SPOCD1: variants seen among roughly 807,000 people sequenced by gnomAD.
SPOCD1 encodes SPOC domain-containing protein 1.
A neutral mutation model predicts 92.2 loss-of-function variants in SPOCD1; 64 were observed. That is an observed-to-expected ratio of 0.69 (90% CI 0.57 to 0.86). The LOEUF is 0.86. Among genes scored for constraint, SPOCD1 ranks in the 40% least tolerant of loss-of-function variants. The probability of loss-of-function intolerance (pLI) is 0.00; values close to 1 mark genes in which losing one functional copy is unlikely to be tolerated. For synonymous variants in SPOCD1, 578 were observed against 619.3 expected (o/e 0.93, Z 0.99); for missense variants, 1,360 against 1,543.1 (o/e 0.88, Z 1.99).
intron 9 of SPOCD1, 150 bp from the exon 10 acceptor site, chr1:31,796,865 G>T: frequency 9.3e-7 from 1 of 1,070,364 alleles, no homozygotes; most frequent in Non-Finnish European, 1.3e-6. Context: ...CCTCTGGGAA[G>T]CCCTCCACCC....
chr1:31,799,401 C>T lies in SPOCD1; in HGVS notation c.1868G>A (p.Arg623His), dbSNP rs201291524. 34 of 1,607,142 alleles carry T rather than the reference C, an allele frequency of 2.1e-5. No homozygotes were observed. Among genetic ancestry groups the T allele is most frequent in the Non-Finnish European group, 1.8e-5 (21 of 1,177,134 alleles). ...VRSMQEVLWT[R>H]LRELPDPVLS... is the part of the protein sequence containing the mutation. Reference sequence around the variant, plus strand: ...AGGGGAGTGGGGAGCAAGGCCTCACCGAGTCCATAGTACCTCCTGCATGGA... The same window carrying T: ...AGGGGAGTGGGGAGCAAGGCCTCACTGAGTCCATAGTACCTCCTGCATGGA... Residue 623 changes from arginine to histidine, a missense_variant and splice_region_variant, in exon 7 of 16, where the codon CGC becomes CAC. Coordinates refer to ENST00000360482, the MANE Select transcript of SPOCD1 (RefSeq NM_144569.7).
chr1:31,792,174 G>A (rs769179156), intron 15 of SPOCD1, 41 bp downstream of exon 15: 2 of 1,561,130 alleles, frequency 1.3e-6, no homozygotes, highest in East Asian at 4.7e-5. Flanking sequence ...TGGTCACCAA[G>A]TGAGCAGAGG....
intron 15 of SPOCD1, 190 bp downstream of exon 15, chr1:31,792,025 A>G: frequency 1.6e-6 from 1 of 641,238 alleles, no homozygotes; most frequent in Non-Finnish European, 2.7e-6. Context: ...AGCTTTTAGA[A>G]CAATGGCTGG....
At chr1:31,809,090 G>T (rs757620843) in intron 2 of SPOCD1, among the ~76,000 whole-genome samples, 1 of 152,188 alleles carries the variant, frequency 6.6e-6, no homozygotes, top group African/African-American at 2.4e-5. Context: ...TTGGGAGGCT[G>T]AGGCAGGAGA....
At position 31,798,792 on chromosome 1, in the gene SPOCD1, G is replaced by A. The variant is rs76392873; in HGVS notation, c.1869-191C>T. ...GGAAATAGGATCATTCTCCTTTTAT[G>A]GATGGGGTTACTGGGGCTCAGGGAA... On this transcript the variant is annotated intron_variant, in intron 7 of 15. Transcript: ENST00000360482. This position sits in a 1 kb window ranked among gnomAD's most constrained non-coding sequence, Gnocchi z 4.1. 9.7e-3 allele frequency: 6,102 copies of A among 629,300 alleles called. 126 individuals are homozygous for A. The highest frequency in any genetic ancestry group is 0.064 in the African/African-American group (3,458 of 54,414). 39.0% of individuals were successfully genotyped at this position (629,300 alleles called of 1,614,324 possible).
chr1:31,798,414 A>T lies in SPOCD1; in HGVS notation c.2028+28T>A. ...AGGGGCTCTGAGATTCAGAGAGGGG[A>T]CGCAGCCCAGCCCAAAGCCCTGCTC... On this transcript the variant is annotated intron_variant, in intron 8 of 15. Transcript: ENST00000360482. The surrounding 1 kb of genome is among the most constrained non-coding windows in gnomAD (Gnocchi z 4.1). 2 of 1,593,520 alleles carry T rather than the reference A, an allele frequency of 1.3e-6. No individual in the cohort carries two copies. The highest frequency in any genetic ancestry group is 1.7e-6 in the Non-Finnish European group (2 of 1,168,370).
intron 9 of SPOCD1, among the ~76,000 whole-genome samples, chr1:31,797,382 G>A (rs959644765): frequency 3.3e-5 from 5 of 152,244 alleles, no homozygotes; most frequent in African/African-American, 1.2e-4. Context: ...GGAGGCCCAC[G>A]CTTGGTTTAG....
In SPOCD1 at chr1:31,805,239, C is replaced by T. The variant is rs957216806; in HGVS notation, c.1384-3534G>A. The stretch of plus-strand genomic sequence containing the variant: ...GACCCTGTGATCCACTGGCCCCGGC[C>T]TCCCAAAGTGCTGGGATCACAGGTG... On this transcript the variant is annotated intron_variant, in intron 2 of 15. Transcript: ENST00000360482. 6.6e-5 allele frequency among the ~76,000 whole-genome samples: 10 copies of T among 151,920 alleles called. No individual in the cohort carries two copies. In the South Asian group the frequency reaches 1.7e-3, roughly 25 times the overall value.
chr1:31,794,008 CG>C, intron 11 of SPOCD1, 111 bp from the exon 12 acceptor site: 2 of 1,499,900 alleles, frequency 1.3e-6, no homozygotes, highest in Non-Finnish European at 1.8e-6. Context: ...ACCTGGGGCA[CG>C]GGCACCCCTG....
chr1:31,792,638 G>T, intron 14 of SPOCD1, 40 bp downstream of exon 14: 1 of 1,489,280 alleles, frequency 6.7e-7, no homozygotes, highest in Non-Finnish European at 9.1e-7. Flanking sequence ...TGGGAGTAAG[G>T]TACTAGGAAA....
chr1:31,795,547 T>A (rs2149099469), intron 10 of SPOCD1: 1 of 148,996 alleles, frequency 6.7e-6, no homozygotes, highest in South Asian at 2.3e-4. Flanking sequence ...TCTTCCTCTC[T>A]GGGGCTATCT....
At chr1:31,807,262 G>A (rs756294038) in intron 2 of SPOCD1, among the ~76,000 whole-genome samples, 7 of 146,544 alleles carry the variant, frequency 4.8e-5, no homozygotes, top group Non-Finnish European at 9.0e-5. Context: ...GGTGGCACAC[G>A]CCTGTGATCT....
Position 31,801,672 on chromosome 1 carries a change from C to T in SPOCD1, c.1417G>A (p.Val473Met). ...AAAATGTAAAAACCTACGTAGCACA[C>T]AAGCTTCACTCCATGGGGTATTTTC... Reference protein sequence around the residue: ...EVKIPHGVKLVCYLGSGPVIQ... With the variant: ...EVKIPHGVKLMCYLGSGPVIQ... The change falls in exon 3 of 16, where the codon GTG becomes ATG. Residue 473 changes from valine to methionine, a missense_variant. Physicochemically the swap from Val to Met is conservative, Grantham distance 21 (BLOSUM62 1). Coordinates refer to ENST00000360482, the MANE Select transcript of SPOCD1 (RefSeq NM_144569.7). 6.2e-7 allele frequency: 1 copy of T among 1,613,912 alleles called. No individual in the cohort carries two copies. Among genetic ancestry groups the T allele is most frequent in the South Asian group, 1.1e-5 (1 of 91,076 alleles).
chr1:31,807,250 G>A (rs544814665), intron 2 of SPOCD1, among the ~76,000 whole-genome samples: 2 of 147,470 alleles, frequency 1.4e-5, no homozygotes, highest in African/African-American at 5.0e-5. Flanking sequence ...TTAGCCAGAC[G>A]TGGTGGCACA....
At chr1:31,795,997 A>G (rs1355070408) in intron 10 of SPOCD1, 1 of 159,112 alleles carries the variant, frequency 6.3e-6, no homozygotes, top group Non-Finnish European at 1.4e-5. Context: ...CTGAGCCACC[A>G]TGTCAGGCTA....
intron 1 of SPOCD1, 119 bp from the exon 2 acceptor site, chr1:31,815,491 G>A: frequency 1.5e-6 from 1 of 674,592 alleles, no homozygotes; most frequent in Admixed American, 3.6e-5. Flanking sequence ...CCACTCCTGA[G>A]GCCTAGGGGT....
chr1:31,811,515 A>C (rs1649196360), intron 2 of SPOCD1, among the ~76,000 whole-genome samples: 1 of 152,118 alleles, frequency 6.6e-6, no homozygotes, highest in Non-Finnish European at 1.5e-5. Flanking sequence ...TTAAGAAAGG[A>C]AGAAAAAAAA....
chr1:31,792,583 C>A (rs973124579), intron 14 of SPOCD1, 95 bp downstream of exon 14: 3 of 1,218,410 alleles, frequency 2.5e-6, no homozygotes, highest in Admixed American at 4.6e-5. Context: ...GGAACTAGAC[C>A]CAGATATCCA....
At position 31,814,011 on chromosome 1, in the gene SPOCD1, G is replaced by A. The variant is rs898706217; in HGVS notation, c.1323C>T (p.Ser441=). Residue 441 remains serine, a synonymous_variant, in exon 2 of 16, where the codon AGC becomes AGT. Transcript: ENST00000360482. The surrounding 1 kb of genome is among the most constrained non-coding windows in gnomAD (Gnocchi z 4.2). ...GCCTGTCCTGGTGGGAGTTGTCTGA[G>A]CTTCTGTCTGTGCCCCGGTCTTGGG... is the stretch of plus-strand genomic sequence containing the variant. ...PCAQDRGTDR[S]SDNSHQDRPE... is the part of the protein sequence containing the mutation. The A allele has an allele frequency of 1.9e-6, 3 of 1,606,146 alleles. No individual in the cohort carries two copies. In the African/African-American group the frequency reaches 4.0e-5, roughly 21 times the overall value.
Sources: allele counts gnomAD v4.1 joint callset (sites outside exome capture counted in the v4.1 genomes callset), GRCh38; gene constraint gnomAD v4.1.1; non-coding constraint Gnocchi (gnomAD v3.1); transcripts MANE v1.5; gene names NCBI Gene and HGNC (gene_info 2026-07-23, HGNC 2026-07-21).